Variants in ZNF69 observed in about 807,000 individuals in gnomAD.
ZNF69 encodes the protein zinc finger protein 69, also known as ZNF3.
In ZNF69, 47 loss-of-function variants were observed where a neutral mutation model predicts 50.9. The ratio of observed to expected loss-of-function variants is 0.92; its 90% CI spans 0.73 to 1.18. The LOEUF (loss-of-function observed/expected upper bound fraction) is 1.18, where lower values mean the gene tolerates loss of function less well. Ranked by LOEUF, ZNF69 falls within the 50% of genes most tolerant of loss-of-function variation. The pLI, the probability that ZNF69 is intolerant of heterozygous loss-of-function variation, is 0.00. For missense variants in ZNF69, 717 were observed against 675.1 expected (o/e 1.06, Z -0.69); for synonymous variants, 216 against 223.1 (o/e 0.97, Z 0.29).
intron 1 of ZNF69, among the ~76,000 whole-genome samples, chr19:11,896,799 T>C (rs1972132817): frequency 1.3e-5 from 2 of 152,214 alleles, no homozygotes; most frequent in African/African-American, 4.8e-5. Flanking sequence ...GTCTTGTATT[T>C]CGGTTTTTAG....
the ZNF69 span, among the ~76,000 whole-genome samples, chr19:11,970,339 G>A: frequency 6.6e-6 from 1 of 152,220 alleles, no homozygotes; most frequent in Non-Finnish European, 1.5e-5. Flanking sequence ...AGTCCCATAT[G>A]TGAGTTAACC....
chr19:11,897,897 G>T (rs933423825), intron 1 of ZNF69, among the ~76,000 whole-genome samples: 1 of 149,468 alleles, frequency 6.7e-6, no homozygotes. Flanking sequence ...GAAAAGAAAA[G>T]AAAAAAGAAA....
the ZNF69 span, chr19:11,948,648 C>G: frequency 6.2e-7 from 1 of 1,611,376 alleles, no homozygotes; most frequent in Admixed American, 1.7e-5. Context: ...TCCATTCAAG[C>G]ATTCGAAGAC....
intron 1 of ZNF69, among the ~76,000 whole-genome samples, chr19:11,897,349 A>AAAAAAT (rs1296776096): frequency 7.9e-5 from 12 of 152,262 alleles, no homozygotes; most frequent in South Asian, 6.2e-4. Flanking sequence ...CTCCATCTCA[A>AAAAAAT]AAAAATAAAA....
chr19:11,949,505 G>GGA, the ZNF69 span: 1 of 1,611,844 alleles, frequency 6.2e-7, no homozygotes, highest in Non-Finnish European at 8.5e-7. Context: ...ATTCATGAAA[G>GGA]GACAGAAAAA....
chr19:11,923,793 G>T, the ZNF69 span, among the ~76,000 whole-genome samples: 1 of 152,228 alleles, frequency 6.6e-6, no homozygotes, highest in Non-Finnish European at 1.5e-5. Context: ...AATCGATGGG[G>T]TGAGAAGTAG....
intron 1 of ZNF69, among the ~76,000 whole-genome samples, chr19:11,888,840 G>A (rs1332491128): frequency 2.0e-5 from 3 of 152,178 alleles, no homozygotes; most frequent in African/African-American, 7.2e-5. Context: ...GGGCGTGATG[G>A]TGGACGCCTG....
chr19:11,905,694 T>C lies in ZNF69; in HGVS notation c.1297T>C (p.Leu433=), dbSNP rs1398893858. 3 of 1,608,928 alleles carry C rather than the reference T, an allele frequency of 1.9e-6. No individual in the cohort carries two copies. Among genetic ancestry groups the C allele is most frequent in the Non-Finnish European group, 2.5e-6 (3 of 1,178,146 alleles). The change falls in exon 4 of 4, where the codon TTG becomes CTG. Residue 433 remains leucine (L), a synonymous_variant. Coordinates refer to ENST00000429654, the MANE Select transcript of ZNF69 (RefSeq NM_001364730.1). ...KAFRSSSHLQ[L]HGRTHTGEKP... Reference sequence around the variant, plus strand: ...CTTCAGATCTTCCTCACACCTTCAATTGCATGGTAGGACTCACACTGGAGA... The same window carrying C: ...CTTCAGATCTTCCTCACACCTTCAACTGCATGGTAGGACTCACACTGGAGA...
chr19:11,937,161 G>A, the ZNF69 span, among the ~76,000 whole-genome samples: 157 of 152,258 alleles, frequency 1.0e-3, 3 homozygotes, highest in African/African-American at 3.6e-3. Flanking sequence ...CCAAATCCAA[G>A]GTTGTCATGG....
chr19:11,950,995 AC>A, the ZNF69 span, among the ~76,000 whole-genome samples: 57 of 151,814 alleles, frequency 3.8e-4, no homozygotes, highest in Non-Finnish European at 7.2e-4. Context: ...TACTAAAAAT[AC>A]AAAAATTAGC....
downstream of ZNF69, among the ~76,000 whole-genome samples, chr19:11,918,061 C>T (rs1972537347): frequency 6.6e-6 from 1 of 152,188 alleles, no homozygotes. Context: ...GCTGAGATTA[C>T]AGGCATGAGC....
chr19:11,948,468 C>T, the ZNF69 span: 6 of 1,614,090 alleles, frequency 3.7e-6, no homozygotes, highest in Admixed American at 1.0e-4. Flanking sequence ...TCAGAGGTGA[C>T]ACTGGACACA....
intron 4 of ZNF69, among the ~76,000 whole-genome samples, chr19:11,912,200 A>G (rs1469020729): frequency 6.6e-6 from 1 of 152,056 alleles, no homozygotes; most frequent in African/African-American, 2.4e-5. Context: ...AACCCTGTGA[A>G]TGTAAGAAAT....
chr19:11,944,047 A>G, the ZNF69 span, among the ~76,000 whole-genome samples: 2 of 152,106 alleles, frequency 1.3e-5, no homozygotes, highest in Non-Finnish European at 2.9e-5. Flanking sequence ...CCCTTCCACC[A>G]TGGGCACAAG....
At chr19:11,963,605 C>A in the ZNF69 span, among the ~76,000 whole-genome samples, 1 of 152,104 alleles carries the variant, frequency 6.6e-6, no homozygotes, top group African/African-American at 2.4e-5. Flanking sequence ...TTCATAAATT[C>A]CCACGGAATC....
At chr19:11,925,239 G>C in the ZNF69 span, 3 of 1,613,236 alleles carry the variant, frequency 1.9e-6, no homozygotes, top group African/African-American at 4.0e-5. Flanking sequence ...AGGAGCTGTA[G>C]AGAGGACCCC....
rs1487152510 is a variant in ZNF69 at position 11,905,685 on chromosome 19, C to T, written c.1288C>T (p.His430Tyr). 2.5e-6 allele frequency: 4 copies of T among 1,612,464 alleles called. No homozygotes were observed. Among genetic ancestry groups the T allele is most frequent in the South Asian group, 1.1e-5 (1 of 90,992 alleles). ...TGGGAAGGCCTTCAGATCTTCCTCACACCTTCAATTGCATGGTAGGACTCA... is the reference window on the plus strand; with the variant it reads ...TGGGAAGGCCTTCAGATCTTCCTCATACCTTCAATTGCATGGTAGGACTCA... ...QCGKAFRSSSHLQLHGRTHTG... is the reference protein window; with the variant it reads ...QCGKAFRSSSYLQLHGRTHTG... The change falls in exon 4 of 4, where the codon CAC becomes TAC. Residue 430 changes from histidine (H) to tyrosine (Y), a missense_variant. Coordinates refer to ENST00000429654, the MANE Select transcript of ZNF69 (RefSeq NM_001364730.1).
At chr19:11,974,081 CTTTCTTTCT>C in the ZNF69 span, among the ~76,000 whole-genome samples, 1 of 76,706 alleles carries the variant, frequency 1.3e-5, no homozygotes, top group Non-Finnish European at 2.7e-5. Flanking sequence ...TTCTTTCTTT[CTTTCTTTCT>C]TTCTTTCTTT....
At chr19:11,976,811 A>G in the ZNF69 span, 2 of 1,293,426 alleles carry the variant, frequency 1.5e-6, no homozygotes, top group Admixed American at 3.4e-5. Context: ...CCAAGATCGC[A>G]TCATTATACT....
Sources: allele counts gnomAD v4.1 joint callset (sites outside exome capture counted in the v4.1 genomes callset), GRCh38; gene constraint gnomAD v4.1.1; transcripts MANE v1.5; gene names NCBI Gene and HGNC (gene_info 2026-07-23, HGNC 2026-07-21).